ING5: variants seen among roughly 807,000 people sequenced by gnomAD.
ING5 encodes inhibitor of growth family member 5.
In ING5, 17 loss-of-function variants were observed where a neutral mutation model predicts 37.4. That is an observed-to-expected ratio of 0.45 (90% CI 0.31 to 0.68). ING5 has a LOEUF of 0.68. Among genes scored for constraint, ING5 ranks in the 30% least tolerant of loss-of-function variants. The pLI, the probability that ING5 is intolerant of heterozygous loss-of-function variation, is 0.05. For synonymous variants in ING5, 123 were observed against 116.6 expected (o/e 1.06, Z -0.36); for missense variants, 233 against 311.9 (o/e 0.75, Z 1.91).
upstream of ING5, chr2:241,687,035 C>T (rs2069442600): frequency 2.1e-6 from 1 of 477,164 alleles, no homozygotes; most frequent in Non-Finnish European, 3.4e-6. Context: ...CCGTGCGGGC[C>T]TCCGTCCTCG....
chr2:241,689,022 C>T (rs1223778425), intron 1 of ING5, among the ~76,000 whole-genome samples: 2 of 152,054 alleles, frequency 1.3e-5, no homozygotes, highest in African/African-American at 4.8e-5. Flanking sequence ...AGGATGGTCT[C>T]GATCTCCTGA....
In ING5 at chr2:241,711,469, C is replaced by A; in HGVS notation, c.369C>A (p.Ser123=). 1 of 1,603,802 alleles carries A rather than the reference C, an allele frequency of 6.2e-7. No individual in the cohort carries two copies. Among genetic ancestry groups the A allele is most frequent in the African/African-American group, 1.3e-5 (1 of 74,130 alleles). Reference sequence around the variant, plus strand: ...TGGAGGGCAGTGATTTTGAAAGCTCCGGAGGGCGAGGGTTAAAAAGCAAGT... The same window carrying A: ...TGGAGGGCAGTGATTTTGAAAGCTCAGGAGGGCGAGGGTTAAAAAGCAAGT... ...DKMEGSDFES[S]GGRGLKKGRG... The change falls in exon 4 of 8, where the codon TCC becomes TCA. Residue 123 remains serine (S), a synonymous_variant. Transcript: ENST00000313552.
At chr2:241,700,524 C>G (rs1336705755), upstream of ING5, among the ~76,000 whole-genome samples, 2 of 151,714 alleles carry the variant, frequency 1.3e-5, no homozygotes, top group Non-Finnish European at 2.9e-5. Context: ...GGTGCAATCT[C>G]GGCTCACTGC....
Position 241,727,562 on chromosome 2 carries a change from G to C in ING5, c.*2531G>C, listed in dbSNP as rs921085889. On this transcript the variant is annotated 3_prime_UTR_variant, in exon 8 of 8. Coordinates refer to ENST00000313552, the MANE Select transcript of ING5 (RefSeq NM_032329.6). ...ACTCCTGACCTGAAGTGATCCACCCGCCTCGACCTCCCAAAGTGCTGGGAT... is the reference window on the plus strand; with the variant it reads ...ACTCCTGACCTGAAGTGATCCACCCCCCTCGACCTCCCAAAGTGCTGGGAT... 1 of 152,162 alleles carries C rather than the reference G, an allele frequency of 6.6e-6. No individual in the cohort carries two copies. Among genetic ancestry groups the C allele is most frequent in the Non-Finnish European group, 1.5e-5 (1 of 68,020 alleles). 9.4% of individuals were successfully genotyped at this position (152,162 alleles called of 1,614,324 possible). A position where few individuals can be genotyped will look rare whatever the true frequency, so the allele number is the denominator to read the frequency against.
chr2:241,700,150 G>GTTTTT (rs780209565), upstream of ING5, among the ~76,000 whole-genome samples: 164 of 73,274 alleles, frequency 2.2e-3, 1 homozygote, highest in African/African-American at 5.9e-3. Flanking sequence ...GCCCGGCTAA[G>GTTTTT]TTTTTTTTTT....
upstream of ING5, among the ~76,000 whole-genome samples, chr2:241,701,738 G>A (rs965882071): frequency 6.6e-6 from 1 of 152,290 alleles, no homozygotes; most frequent in South Asian, 2.1e-4. Flanking sequence ...GTGGCCCAGG[G>A]GTCGCTGACA....
At chr2:241,710,186 A>G (rs2070064416) in intron 3 of ING5, among the ~76,000 whole-genome samples, 2 of 152,124 alleles carry the variant, frequency 1.3e-5, no homozygotes, top group African/African-American at 4.8e-5. Flanking sequence ...GGCTCACTGC[A>G]ACCTGTGCCT....
At chr2:241,702,882 G>A (rs987825691) in intron 1 of ING5, among the ~76,000 whole-genome samples, 2 of 152,256 alleles carry the variant, frequency 1.3e-5, no homozygotes, top group Admixed American at 6.5e-5. Context: ...CTTTGGGGTC[G>A]CGGTGTTTGG....
At chr2:241,716,399 T>G (rs936678753) in intron 5 of ING5, among the ~76,000 whole-genome samples, 38 of 150,920 alleles carry the variant, frequency 2.5e-4, no homozygotes, top group African/African-American at 9.0e-4. Context: ...TTCAAGCGAT[T>G]CTCATGCCTC....
At chr2:241,714,874 G>A (rs1275751076) in intron 5 of ING5, among the ~76,000 whole-genome samples, 1 of 152,192 alleles carries the variant, frequency 6.6e-6, no homozygotes, top group Non-Finnish European at 1.5e-5. Flanking sequence ...GAGATTACAG[G>A]CGTGAGCCAC....
chr2:241,687,631 G>C (rs987927849), exon 1 of ING5: 6 of 291,758 alleles, frequency 2.1e-5, no homozygotes, highest in Admixed American at 1.0e-4. Context: ...GGGTTCAAGC[G>C]ATTCTCCTGC....
rs1463421828 is a variant in ING5, at chr2:241,725,187, A to G, written c.*156A>G. 6.2e-6 allele frequency: 5 copies of G among 811,198 alleles called. No homozygotes were observed. In the Admixed American group the frequency reaches 6.6e-5, roughly 11 times the overall value. The allele number at this position is 811,198 out of a possible 1,614,324, so 50.3% of individuals were successfully genotyped here. A position where few individuals can be genotyped will look rare whatever the true frequency, so the allele number is the denominator to read the frequency against. ...GATGTTTCCTAGAACAAGAACCACC[A>G]AAGCCTGTTCGCACAGAAGGGCGAC... On this transcript the variant is annotated 3_prime_UTR_variant, in exon 8 of 8. Transcript: ENST00000313552.
At chr2:241,692,316 T>C (rs1366087044) in intron 2 of ING5, among the ~76,000 whole-genome samples, 1 of 152,112 alleles carries the variant, frequency 6.6e-6, no homozygotes, top group African/African-American at 2.4e-5. Context: ...ATTTTAATTT[T>C]TTTTTCTTTT....
intron 2 of ING5, among the ~76,000 whole-genome samples, chr2:241,696,865 C>T (rs374273297): frequency 6.6e-5 from 10 of 152,174 alleles, no homozygotes; most frequent in African/African-American, 2.4e-4. Context: ...GGGCAGATCA[C>T]AAGGTCAAGA....
At chr2:241,707,313 G>A (rs1178157537) in intron 2 of ING5, among the ~76,000 whole-genome samples, 4 of 151,062 alleles carry the variant, frequency 2.6e-5, no homozygotes, top group Non-Finnish European at 4.4e-5. Context: ...GTTTTGAGAT[G>A]GAGTTTCGCT....
Position 241,705,828 on chromosome 2 carries a change from C to T in ING5, c.109+1104C>T, listed in dbSNP as rs540150597. 1.2e-3 allele frequency among the ~76,000 whole-genome samples: 184 copies of T among 152,306 alleles called. 2 individuals carry two copies. The highest frequency in any genetic ancestry group is 4.1e-3 in the African/African-American group (172 of 41,560). On this transcript the variant is annotated intron_variant, in intron 2 of 7. Transcript: ENST00000313552. ...AGCTGTACTTCTCCAGTGGCCCCCA[C>T]ACCCTCACATGCCCTCACCTGGCTC...
chr2:241,700,054 C>G (rs2069689442), upstream of ING5, among the ~76,000 whole-genome samples: 1 of 152,090 alleles, frequency 6.6e-6, no homozygotes, highest in Admixed American at 6.5e-5. Flanking sequence ...ACGATCTCGG[C>G]TCACTGCAAC....
rs750507715 is a variant in ING5 at position 241,728,867 on chromosome 2, G to C, written c.*3836G>C. ...AGAAGCAGCTGTGCAGACTGGTGGC[G>C]GTGGGAGGGTTTGCTGGGACTGATG... On this transcript the variant is annotated 3_prime_UTR_variant, in exon 8 of 8. Transcript: ENST00000313552. 6.6e-6 allele frequency: 1 copy of C among 152,260 alleles called. No homozygotes were observed. Among genetic ancestry groups the C allele is most frequent in the African/African-American group, 2.4e-5 (1 of 41,456 alleles). The allele number at this position is 152,260 out of a possible 1,614,324, so 9.4% of individuals were successfully genotyped here.
chr2:241,715,920 A>G (rs2070255620), intron 5 of ING5, among the ~76,000 whole-genome samples: 1 of 151,960 alleles, frequency 6.6e-6, no homozygotes, highest in Non-Finnish European at 1.5e-5. Context: ...GTTGTGGTCA[A>G]AGAACATTAC....
Sources: allele counts gnomAD v4.1 joint callset (sites outside exome capture counted in the v4.1 genomes callset), GRCh38; gene constraint gnomAD v4.1.1; transcripts MANE v1.5; gene names NCBI Gene and HGNC (gene_info 2026-07-23, HGNC 2026-07-21).